PLCB4: variants seen among roughly 807,000 people sequenced by gnomAD.
The protein encoded by PLCB4 is 1-phosphatidylinositol 4,5-bisphosphate phosphodiesterase beta-4.
PLCB4 carries 77 observed loss-of-function variants against 178.8 expected under a neutral mutation model. The observed-to-expected ratio is 0.43, with a 90% confidence interval of 0.36 to 0.52. The LOEUF is 0.52. PLCB4 is among the 20% of genes least tolerant of loss of function. The pLI is 0.00. For synonymous variants in PLCB4, 496 were observed against 490.8 expected (o/e 1.01, Z -0.14); for missense variants, 1,024 against 1,453.4 (o/e 0.70, Z 4.80).
chr20:9,382,903 C>T (rs929794624), intron 13 of PLCB4, among the ~76,000 whole-genome samples: 1 of 152,098 alleles, frequency 6.6e-6, no homozygotes, highest in African/African-American at 2.4e-5. Flanking sequence ...AATGAAGGTG[C>T]CCAAGGAAAG....
intron 36 of PLCB4, among the ~76,000 whole-genome samples, chr20:9,469,286 T>G (rs1362433527): frequency 1.3e-5 from 2 of 152,056 alleles, no homozygotes; most frequent in Non-Finnish European, 2.9e-5. Flanking sequence ...CAGCCTATAA[T>G]CAATATAATT....
intron 5 of PLCB4, 51 bp downstream of exon 5, chr20:9,337,257 T>A (rs757869311): frequency 7.5e-7 from 1 of 1,327,990 alleles, no homozygotes; most frequent in Non-Finnish European, 1.1e-6. Context: ...GTTTAAGCCA[T>A]TTTGTTTCTC....
intron 3 of PLCB4, among the ~76,000 whole-genome samples, chr20:9,274,464 G>A (rs2094434288): frequency 6.6e-6 from 1 of 152,054 alleles, no homozygotes; most frequent in African/African-American, 2.4e-5. Flanking sequence ...TAGATATTAA[G>A]ACTGAATCTG....
chr20:9,262,771 G>A (rs2094310912), intron 3 of PLCB4, among the ~76,000 whole-genome samples: 1 of 151,536 alleles, frequency 6.6e-6, no homozygotes, highest in Non-Finnish European at 1.5e-5. Flanking sequence ...GACTAGATGT[G>A]TTCTCTGATG....
chr20:9,436,637 A>G (rs2041789462), intron 29 of PLCB4, among the ~76,000 whole-genome samples: 1 of 152,200 alleles, frequency 6.6e-6, no homozygotes, highest in Non-Finnish European at 1.5e-5. Flanking sequence ...TACTGGCGTG[A>G]GCCACCATGC....
chr20:9,143,036 C>G (rs1462873993), intron 2 of PLCB4, among the ~76,000 whole-genome samples: 7 of 152,164 alleles, frequency 4.6e-5, no homozygotes, highest in African/African-American at 1.7e-4. Flanking sequence ...TCTCCCTCTG[C>G]CTGGAAACTT....
At chr20:9,244,906 C>G (rs140907976) in intron 3 of PLCB4, among the ~76,000 whole-genome samples, 3 of 152,190 alleles carry the variant, frequency 2.0e-5, no homozygotes, top group African/African-American at 7.2e-5. Flanking sequence ...TCTGTGAACG[C>G]TGGGCAGTTC....
intron 2 of PLCB4, among the ~76,000 whole-genome samples, chr20:9,181,227 GCTGAT>G (rs2093241067): frequency 6.6e-6 from 1 of 152,242 alleles, no homozygotes; most frequent in African/African-American, 2.4e-5. Context: ...CCCAAATGGT[GCTGAT>G]CTAATTCATT....
At chr20:9,206,139 T>C (rs917782389) in intron 2 of PLCB4, among the ~76,000 whole-genome samples, 1 of 152,204 alleles carries the variant, frequency 6.6e-6, no homozygotes, top group Non-Finnish European at 1.5e-5. Context: ...CATGGAACTT[T>C]AGGTATTCCT....
intron 1 of PLCB4, among the ~76,000 whole-genome samples, chr20:9,088,401 A>T (rs2090532694): frequency 6.6e-6 from 1 of 152,100 alleles, no homozygotes; most frequent in Non-Finnish European, 1.5e-5. Flanking sequence ...GAAAATTGAA[A>T]CAATATTCCC....
intron 2 of PLCB4, among the ~76,000 whole-genome samples, chr20:9,185,248 A>G (rs2093313031): frequency 6.6e-6 from 1 of 152,180 alleles, no homozygotes; most frequent in Non-Finnish European, 1.5e-5. Flanking sequence ...AGGGAATCCC[A>G]TATTAAATAG....
chr20:9,184,962 A>AC (rs1251466913), intron 2 of PLCB4, among the ~76,000 whole-genome samples: 3 of 152,088 alleles, frequency 2.0e-5, no homozygotes, highest in Non-Finnish European at 4.4e-5. Flanking sequence ...TCTGTCAGCC[A>AC]CCCCGGCTGG....
At chr20:9,226,583 G>A (rs867522859) in intron 3 of PLCB4, among the ~76,000 whole-genome samples, 18 of 152,104 alleles carry the variant, frequency 1.2e-4, no homozygotes, top group Non-Finnish European at 1.6e-4. Context: ...ACAGGGAGAT[G>A]GTGAATCTAT....
At chr20:9,367,500 G>A (rs2035885261) in intron 9 of PLCB4, among the ~76,000 whole-genome samples, 2 of 152,206 alleles carry the variant, frequency 1.3e-5, no homozygotes, top group South Asian at 4.1e-4. Context: ...GCTCAGTTGA[G>A]TAATAGCAGA....
intron 4 of PLCB4, among the ~76,000 whole-genome samples, chr20:9,314,239 G>A (rs2094872274): frequency 6.6e-6 from 1 of 152,158 alleles, no homozygotes; most frequent in Admixed American, 6.5e-5. Flanking sequence ...AAAGCTCTAG[G>A]GAACCTTTGA....
chr20:9,363,194 T>C (rs930135574), intron 8 of PLCB4, among the ~76,000 whole-genome samples: 1 of 152,168 alleles, frequency 6.6e-6, no homozygotes, highest in African/African-American at 2.4e-5. Flanking sequence ...AAAAGAATAG[T>C]TGATGGTCAA....
At chr20:9,230,743 C>T (rs918443072) in intron 3 of PLCB4, among the ~76,000 whole-genome samples, 2 of 152,050 alleles carry the variant, frequency 1.3e-5, no homozygotes, top group African/African-American at 4.8e-5. Flanking sequence ...CTCATTTCTT[C>T]TCCATGTGTC....
At chr20:9,093,876 G>A (rs148814187) in intron 1 of PLCB4, among the ~76,000 whole-genome samples, 40 of 152,042 alleles carry the variant, frequency 2.6e-4, no homozygotes, top group Non-Finnish European at 5.1e-4. Context: ...GTGTCACATG[G>A]CCCCTTTTTG....
chr20:9,342,307 G>A (rs920241266), intron 7 of PLCB4, among the ~76,000 whole-genome samples: 2 of 152,106 alleles, frequency 1.3e-5, no homozygotes, highest in African/African-American at 4.8e-5. Flanking sequence ...AAATCAAATT[G>A]GGCCAATGAG....
Sources: gnomAD v4.1 joint callset for allele counts (sites outside exome capture counted in the v4.1 genomes callset) on GRCh38, gnomAD v4.1.1 for gene constraint, MANE v1.5 for transcripts, NCBI Gene and HGNC (gene_info 2026-07-23, HGNC 2026-07-21) for gene names.